NR4A2: variants seen among roughly 807,000 people sequenced by gnomAD.
The protein encoded by NR4A2 is nuclear receptor subfamily 4 group A member 2, also known as NGFI-B/nur77 beta-type transcription factor homolog.
Under a neutral mutation model 50.5 loss-of-function variants are expected in NR4A2, and 1 was observed. The observed-to-expected ratio is 0.02, with a 90% CI of 0.01 to 0.09. The LOEUF (loss-of-function observed/expected upper bound fraction) is 0.09, where lower values mean the gene tolerates loss of function less well. Among genes scored for constraint, NR4A2 ranks in the 10% least tolerant of loss-of-function variants. NR4A2 has a pLI of 1.00. For synonymous variants in NR4A2, 328 were observed against 309.4 expected, an observed-to-expected ratio of 1.06 and a Z score of -0.63; for missense variants, 613 against 777.3, an observed-to-expected ratio of 0.79 and a Z score of 2.51.
rs772302525 is a variant in NR4A2 at position 156,326,110 on chromosome 2, C to G, written c.1540+40G>C. 9 of 1,613,700 alleles carry G rather than the reference C, an allele frequency of 5.6e-6. No homozygotes were observed. The highest frequency in any genetic ancestry group is 7.6e-6 in the Non-Finnish European group (9 of 1,179,812). On this transcript the variant is annotated intron_variant, in intron 7 of 7. Transcript: ENST00000339562. The surrounding 1 kb of genome is among the most constrained non-coding windows in gnomAD (Gnocchi z 4.2). ...GAAACTCAGGACAAATCCTGCTAGG[C>G]AGTTCTGGAGGGGAAGCGCCCTGCG...
Position 156,329,192 on chromosome 2 carries a change from C to G in NR4A2, c.864+131G>C. Reference sequence around the variant, plus strand: ...ATGGTCTCCTGCAGGGCAGCTTCGGCGGACCCCGGAGAGCTGGGCAGTCCC... The same window carrying G: ...ATGGTCTCCTGCAGGGCAGCTTCGGGGGACCCCGGAGAGCTGGGCAGTCCC... On this transcript the variant is annotated intron_variant, in intron 3 of 7. Transcript: ENST00000339562. The surrounding 1 kb of genome is among the most constrained non-coding windows in gnomAD (Gnocchi z 7.5). The G allele has an allele frequency of 1.5e-6, 2 of 1,345,098 alleles. No individual in the cohort carries two copies. Among genetic ancestry groups the G allele is most frequent in the South Asian group, 2.5e-5 (2 of 79,000 alleles). 83.3% of individuals were successfully genotyped at this position (1,345,098 alleles called of 1,614,324 possible).
chr2:156,330,169 C>G lies in NR4A2; in HGVS notation c.18G>C (p.Ala6=). The G allele has an allele frequency of 1.9e-6, 3 of 1,614,090 alleles. No individual in the cohort carries two copies. The highest frequency in any genetic ancestry group is 2.5e-6 in the Non-Finnish European group (3 of 1,180,016). MPCVQ[A]QYGSSPQGAS... ...CTCCTTGAGGCGAGGACCCATACTG[C>G]GCCTGAACACAAGGCATGGCTGGAA... is the stretch of plus-strand genomic sequence containing the variant. Residue 6 remains alanine (A), a synonymous_variant, in exon 3 of 8, where the codon GCG becomes GCC. Coordinates refer to ENST00000339562, the MANE Select transcript of NR4A2 (RefSeq NM_006186.4).
At position 156,332,529 on chromosome 2, in the gene NR4A2, A is replaced by T; in HGVS notation, c.-176T>A. The T allele has an allele frequency of 7.8e-7, 1 of 1,289,024 alleles. No homozygotes were observed. Among genetic ancestry groups the T allele is most frequent in the Non-Finnish European group, 1.0e-6 (1 of 988,584 alleles). 79.8% of individuals were successfully genotyped at this position (1,289,024 alleles called of 1,614,324 possible). ...CATTCATTCAACTCTGCCGAAGTGC[A>T]GTTCCCTCTGGGAGCCCGGGCGCCG... On this transcript the variant is annotated 5_prime_UTR_variant, in exon 1 of 8. Transcript: ENST00000339562.
Position 156,332,487 on chromosome 2 carries a change from T to G in NR4A2, c.-134A>C, listed in dbSNP as rs1234676196. The stretch of plus-strand genomic sequence containing the variant: ...TGGGCTGCATCTACTCACTTAGGAG[T>G]TCTCCGCGTCTGTCTTCATTCATTC... On this transcript the variant is annotated 5_prime_UTR_variant, in exon 1 of 8. Coordinates refer to ENST00000339562, the MANE Select transcript of NR4A2 (RefSeq NM_006186.4). The G allele has an allele frequency of 7.0e-6, 9 of 1,289,038 alleles. No individual in the cohort carries two copies. In the East Asian group the frequency reaches 5.0e-4, roughly 71 times the overall value. The allele number at this position is 1,289,038 out of a possible 1,614,324, so 79.9% of individuals were successfully genotyped here.
At position 156,328,538 on chromosome 2, in the gene NR4A2, A is replaced by C; in HGVS notation, c.865-5T>G. The C allele has an allele frequency of 6.2e-7, 1 of 1,614,220 alleles. No individual in the cohort carries two copies. The highest frequency in any genetic ancestry group is 8.5e-7 in the Non-Finnish European group (1 of 1,180,038). On this transcript the variant is annotated splice_region_variant and splice_polypyrimidine_tract_variant and intron_variant, in intron 3 of 7. Transcript: ENST00000339562. The surrounding 1 kb of genome is among the most constrained non-coding windows in gnomAD (Gnocchi z 4.9). Reference sequence around the variant, plus strand: ...TGCATTTTTTTGCACTGTGCGCTGCAAAAGGAGACAATATAGACCAACATT... The same window carrying C: ...TGCATTTTTTTGCACTGTGCGCTGCCAAAGGAGACAATATAGACCAACATT...
rs776862615 is a variant in NR4A2, at chr2:156,332,540, G to T, written c.-187C>A. On this transcript the variant is annotated 5_prime_UTR_variant, in exon 1 of 8. Transcript: ENST00000339562. ...CTCTGCCGAAGTGCAGTTCCCTCTG[G>T]GAGCCCGGGCGCCGGGGTCGGGTAG... is the stretch of plus-strand genomic sequence containing the variant. 231 of 1,288,492 alleles carry T rather than the reference G, an allele frequency of 1.8e-4. No individual in the cohort carries two copies. Among genetic ancestry groups the T allele is most frequent in the Non-Finnish European group, 2.2e-4 (217 of 988,348 alleles). 79.8% of individuals were successfully genotyped at this position (1,288,492 alleles called of 1,614,324 possible). A position where few individuals can be genotyped will look rare whatever the true frequency, so the allele number is the denominator to read the frequency against.
In NR4A2 at chr2:156,326,406, T is replaced by G; in HGVS notation, c.1362-78A>C. 7.6e-7 allele frequency: 1 copy of G among 1,320,892 alleles called. No individual in the cohort carries two copies. The highest frequency in any genetic ancestry group is 1.1e-6 in the Non-Finnish European group (1 of 914,876). The allele number at this position is 1,320,892 out of a possible 1,614,324, so 81.8% of individuals were successfully genotyped here. ...AAACAACTAATTACTTGAAGAGCAA[T>G]AAATGAGGGATTTAAGAGTCACCTA... is the stretch of plus-strand genomic sequence containing the variant. On this transcript the variant is annotated intron_variant, in intron 6 of 7. Coordinates refer to ENST00000339562, the MANE Select transcript of NR4A2 (RefSeq NM_006186.4). The surrounding 1 kb of genome is among the most constrained non-coding windows in gnomAD (Gnocchi z 4.2).
Position 156,329,266 on chromosome 2 carries a change from G to A in NR4A2, c.864+57C>T. The stretch of plus-strand genomic sequence containing the variant: ...GGCACCAAGGCAGAGGGCACACTCC[G>A]AGGTCCCGGGCACTAGGGGCTCCCT... On this transcript the variant is annotated intron_variant, in intron 3 of 7. Coordinates refer to ENST00000339562, the MANE Select transcript of NR4A2 (RefSeq NM_006186.4). The surrounding 1 kb of genome is among the most constrained non-coding windows in gnomAD (Gnocchi z 7.5). 1.3e-6 allele frequency: 2 copies of A among 1,574,228 alleles called. No homozygotes were observed. The highest frequency in any genetic ancestry group is 1.7e-6 in the Non-Finnish European group (2 of 1,159,756).
Position 156,329,392 on chromosome 2 carries a change from C to T in NR4A2, c.795G>A (p.Val265=). ...GTTGGCAGGCCGCGTTGTCCCCACACACAGCGCACAGCCCCTCGTTGGAGG... is the reference window on the plus strand; with the variant it reads ...GTTGGCAGGCCGCGTTGTCCCCACATACAGCGCACAGCCCCTCGTTGGAGG... ...GSPSNEGLCA[V]CGDNAACQHY... The change falls in exon 3 of 8, where the codon GTG becomes GTA. Residue 265 remains valine (V), a synonymous_variant. Coordinates refer to ENST00000339562, the MANE Select transcript of NR4A2 (RefSeq NM_006186.4). The surrounding 1 kb of genome is among the most constrained non-coding windows in gnomAD (Gnocchi z 7.5). 6.2e-7 allele frequency: 1 copy of T among 1,611,796 alleles called. No homozygotes were observed. Among genetic ancestry groups the T allele is most frequent in the Non-Finnish European group, 8.5e-7 (1 of 1,179,540 alleles).
chr2:156,331,560 A>G (rs954288965), intron 1 of NR4A2, among the ~76,000 whole-genome samples: 1 of 152,252 alleles, frequency 6.6e-6, no homozygotes, highest in African/African-American at 2.4e-5. Context: ...TTCCCAGCAC[A>G]GCAAGATGAA....
rs1264309741 is a variant in NR4A2, at chr2:156,327,897, G to A, written c.1112C>T (p.Ala371Val). The A allele has an allele frequency of 6.3e-7, 1 of 1,594,972 alleles. No homozygotes were observed. ...PVSLISALVRAHVDSNPAMTS... is the reference protein window; with the variant it reads ...PVSLISALVRVHVDSNPAMTS... The stretch of plus-strand genomic sequence containing the variant: ...CATAGCCGGGTTGGAGTCGACATGG[G>A]CCCTGACGAGGGCACTGATCAGACT... The change falls in exon 5 of 8, where the codon GCC becomes GTC. Residue 371 changes from alanine to valine, a missense_variant. Ala to Val is a moderately conservative substitution (Grantham distance 64). Around this residue, in one of 4 missense-constraint regions of NR4A2, gnomAD observed 250 missense variants for 311.3 expected, o/e 0.80. Coordinates refer to ENST00000339562, the MANE Select transcript of NR4A2 (RefSeq NM_006186.4).
At position 156,329,926 on chromosome 2, in the gene NR4A2, C is replaced by T; in HGVS notation, c.261G>A (p.Gln87=). The T allele has an allele frequency of 6.2e-7, 1 of 1,614,176 alleles. No homozygotes were observed. Among genetic ancestry groups the T allele is most frequent in the Non-Finnish European group, 8.5e-7 (1 of 1,180,046 alleles). The change falls in exon 3 of 8, where the codon CAG becomes CAA. Residue 87 remains glutamine, a synonymous_variant. Coordinates refer to ENST00000339562, the MANE Select transcript of NR4A2 (RefSeq NM_006186.4). The surrounding 1 kb of genome is among the most constrained non-coding windows in gnomAD (Gnocchi z 7.5). ...GAATGTCTTCTACCTTAATGGAGGACTGCTGTCCGGACAGGGGCATTTGGT... is the reference window on the plus strand; with the variant it reads ...GAATGTCTTCTACCTTAATGGAGGATTGCTGTCCGGACAGGGGCATTTGGT... ...CLYQMPLSGQ[Q]SSIKVEDIQM...
intron 1 of NR4A2, among the ~76,000 whole-genome samples, 200 bp from the exon 2 acceptor site, chr2:156,330,991 CA>C: frequency 6.6e-6 from 1 of 152,314 alleles, no homozygotes; most frequent in South Asian, 2.1e-4. Context: ...CCACCCATTG[CA>C]CTGTGTAAAT....
chr2:156,331,821 C>T (rs1196384303), intron 1 of NR4A2: 1 of 152,272 alleles, frequency 6.6e-6, no homozygotes, highest in African/African-American at 2.4e-5. Flanking sequence ...CCCCACAGCC[C>T]TTAGAGATAT....
Position 156,326,898 on chromosome 2 carries a change from T to C in NR4A2, c.1181A>G (p.Gln394Arg). The change falls in exon 6 of 8, where the codon CAA (glutamine) becomes CGA (arginine). Residue 394 changes from glutamine (Q) to arginine (R), a missense_variant. Around this residue, in one of 4 missense-constraint regions of NR4A2, gnomAD observed 250 missense variants for 311.3 expected, o/e 0.80. Coordinates refer to ENST00000339562, the MANE Select transcript of NR4A2 (RefSeq NM_006186.4). This position sits in a 1 kb window ranked among gnomAD's most constrained non-coding sequence, Gnocchi z 4.2. ...ATGCTGGGTGTCATCTCCACTCATTTGATAGTCAGGGTTCGCCTGGAACTG... is the reference window on the plus strand; with the variant it reads ...ATGCTGGGTGTCATCTCCACTCATTCGATAGTCAGGGTTCGCCTGGAACTG... ...YSRFQANPDY[Q>R]MSGDDTQHIQ... 6.2e-7 allele frequency: 1 copy of C among 1,614,246 alleles called. No individual in the cohort carries two copies. The highest frequency in any genetic ancestry group is 1.1e-5 in the South Asian group (1 of 91,090).
chr2:156,329,577 G>C lies in NR4A2; in HGVS notation c.610C>G (p.Pro204Ala), dbSNP rs370355149. Residue 204 changes from proline to alanine, a missense_variant, in exon 3 of 8, where the codon CCG (proline) becomes GCG (alanine). Coordinates refer to ENST00000339562, the MANE Select transcript of NR4A2 (RefSeq NM_006186.4). The surrounding 1 kb of genome is among the most constrained non-coding windows in gnomAD (Gnocchi z 7.5). ...ACGTGGTGGCTGCCGGCGGGCTCCG[G>C]GTTCATGGGGACGTGCAGGGGCCCG... ...FDGPLHVPMN[P>A]EPAGSHHVVD... 1.4e-5 allele frequency: 23 copies of C among 1,604,180 alleles called. No individual in the cohort carries two copies. The highest frequency in any genetic ancestry group is 5.0e-5 in the Admixed American group (3 of 59,782).
At position 156,326,286 on chromosome 2, in the gene NR4A2, C is replaced by T; in HGVS notation, c.1404G>A (p.Val468=). The T allele has an allele frequency of 6.2e-7, 1 of 1,614,188 alleles. No homozygotes were observed. Among genetic ancestry groups the T allele is most frequent in the Middle Eastern group, 1.6e-4 (1 of 6,062 alleles). Residue 468 remains valine (V), a synonymous_variant, in exon 7 of 8, where the codon GTG becomes GTA. Coordinates refer to ENST00000339562, the MANE Select transcript of NR4A2 (RefSeq NM_006186.4). The surrounding 1 kb of genome is among the most constrained non-coding windows in gnomAD (Gnocchi z 4.2). The part of the protein sequence containing the change: ...VEGKLIFCNG[V]VLHRLQCVRG... ...GAACGCATTGCAACCTGTGCAAGAC[C>T]ACCCCATTGCAAAAGATGAGTTTAC...
In NR4A2 at chr2:156,326,299, A is replaced by T; in HGVS notation, c.1391T>A (p.Phe464Tyr). The T allele has an allele frequency of 6.2e-7, 1 of 1,614,230 alleles. No homozygotes were observed. ...CCTGTGCAAGACCACCCCATTGCAAAAGATGAGTTTACCCTCCACTGGGTT... is the reference window on the plus strand; with the variant it reads ...CCTGTGCAAGACCACCCCATTGCAATAGATGAGTTTACCCTCCACTGGGTT... ...RSNPVEGKLI[F>Y]CNGVVLHRLQ... Residue 464 changes from phenylalanine to tyrosine, a missense_variant, in exon 7 of 8, where the codon TTT (phenylalanine) becomes TAT (tyrosine). Phe to Tyr is a conservative substitution (Grantham distance 22, BLOSUM62 3). Around this residue, in one of 4 missense-constraint regions of NR4A2, gnomAD observed 250 missense variants for 311.3 expected, o/e 0.80. Transcript: ENST00000339562. This position sits in a 1 kb window ranked among gnomAD's most constrained non-coding sequence, Gnocchi z 4.2.
intron 5 of NR4A2, among the ~76,000 whole-genome samples, chr2:156,327,123 C>T (rs834834): frequency 0.56 from 84,369 of 152,006 alleles, 26,206 homozygotes; most frequent in Non-Finnish European, 0.7. Context: ...ATGTAAATTG[C>T]CATTTCCATA....
Sources: allele counts gnomAD v4.1 joint callset (sites outside exome capture counted in the v4.1 genomes callset), GRCh38; gene constraint gnomAD v4.1.1; regional missense constraint gnomAD v4.1.1; non-coding constraint Gnocchi (gnomAD v3.1); transcripts MANE v1.5; gene names NCBI Gene and HGNC (gene_info 2026-07-23, HGNC 2026-07-21).